Variants in SHANK2 observed in about 807,000 individuals in gnomAD.
The protein encoded by SHANK2 is SH3 and multiple ankyrin repeat domains protein 2.
In SHANK2, 43 loss-of-function variants were observed where a neutral mutation model predicts 133.7. The ratio of observed to expected loss-of-function variants is 0.32; its 90% CI spans 0.25 to 0.41. The LOEUF (loss-of-function observed/expected upper bound fraction) is 0.41, where lower values mean the gene tolerates loss of function less well. Ranked by LOEUF, SHANK2 falls within the 10% of genes least tolerant of loss-of-function variation. The probability of loss-of-function intolerance (pLI) is 1.00; values close to 1 mark genes in which losing one functional copy is unlikely to be tolerated. For missense variants in SHANK2, 1,994 were observed against 2,235.8 expected (o/e 0.89, Z 2.18); for synonymous variants, 1,017 against 952.8 (o/e 1.07, Z -1.24).
At chr11:70,847,801 G>A (rs1359295514) in intron 11 of SHANK2, among the ~76,000 whole-genome samples, 1 of 152,228 alleles carries the variant, frequency 6.6e-6, no homozygotes, top group Non-Finnish European at 1.5e-5. Flanking sequence ...TCATCTGGCT[G>A]CAGGGGTGGG....
intron 15 of SHANK2, among the ~76,000 whole-genome samples, chr11:70,687,654 A>G (rs1244716514): frequency 2.6e-5 from 4 of 152,202 alleles, no homozygotes; most frequent in African/African-American, 9.6e-5. Flanking sequence ...TATTGTCAGA[A>G]CAGCTCCAGA....
intron 14 of SHANK2, among the ~76,000 whole-genome samples, chr11:70,772,691 T>C (rs1947277381): frequency 6.6e-6 from 1 of 152,180 alleles, no homozygotes; most frequent in Admixed American, 6.5e-5. Context: ...GAGGCTGCAG[T>C]GGGCCTGAGT....
chr11:71,085,487 T>A (rs1278286266), intron 8 of SHANK2, among the ~76,000 whole-genome samples: 1 of 121,388 alleles, frequency 8.2e-6, no homozygotes, highest in Non-Finnish European at 1.6e-5. Flanking sequence ...ATATATGTTA[T>A]ATAATATATA....
At chr11:70,695,223 G>C (rs1555021988) in intron 15 of SHANK2, among the ~76,000 whole-genome samples, 1 of 152,130 alleles carries the variant, frequency 6.6e-6, no homozygotes, top group Non-Finnish European at 1.5e-5. Flanking sequence ...AAGACCTCTG[G>C]AGCTGGACGG....
At chr11:71,203,097 G>A (rs945179716) in intron 2 of SHANK2, among the ~76,000 whole-genome samples, 6 of 152,204 alleles carry the variant, frequency 3.9e-5, no homozygotes, top group African/African-American at 1.4e-4. Flanking sequence ...AGTGATCTCA[G>A]GTACCACCTG....
intron 11 of SHANK2, among the ~76,000 whole-genome samples, chr11:70,834,454 A>C (rs1555059458): frequency 6.6e-6 from 1 of 152,202 alleles, no homozygotes; most frequent in South Asian, 2.1e-4. Flanking sequence ...GAATGCTGAG[A>C]AAGTATGTAT....
chr11:70,861,003 G>A (rs961583549), intron 11 of SHANK2, among the ~76,000 whole-genome samples: 30 of 152,198 alleles, frequency 2.0e-4, no homozygotes, highest in African/African-American at 6.8e-4. Flanking sequence ...GACATCCCTC[G>A]ACCTGCTGGG....
At position 70,862,743 on chromosome 11, in the gene SHANK2, T is replaced by G. The variant is rs187850327; in HGVS notation, c.1174+33758A>C. ...GATCATGAACAAAGAGGGAAATCTA[T>G]GTGCTTGGGGTGGGGGTGGGGAGCT... On this transcript the variant is annotated intron_variant, in intron 11 of 25. Transcript: ENST00000601538. 3.8e-4 allele frequency: 60 copies of G among 157,302 alleles called. No homozygotes were observed. The East Asian group carries it at 0.011, about 29-fold the overall frequency. The allele number at this position is 157,302 out of a possible 1,614,324, so 9.7% of individuals were successfully genotyped here.
At chr11:71,225,874 G>A (rs554574140) in intron 1 of SHANK2, among the ~76,000 whole-genome samples, 5 of 152,294 alleles carry the variant, frequency 3.3e-5, no homozygotes, top group South Asian at 2.1e-4. Flanking sequence ...CTGTAATCCC[G>A]GCACTTTGGG....
chr11:70,922,808 G>T (rs1330059083), intron 10 of SHANK2, among the ~76,000 whole-genome samples: 1 of 152,130 alleles, frequency 6.6e-6, no homozygotes, highest in Non-Finnish European at 1.5e-5. Context: ...TGTAGGAGTG[G>T]TGAGTTTCTA....
Position 70,595,529 on chromosome 11 carries a change from C to T in SHANK2, c.2061+64299G>A, listed in dbSNP as rs370356640. Among the ~76,000 whole-genome samples the T allele has an allele frequency of 5.3e-5, 8 of 152,196 alleles. No individual in the cohort carries two copies. In the East Asian group the frequency reaches 7.7e-4, roughly 15 times the overall value. ...TGGCCCAGACAACCCTCTGCGAAGG[C>T]GACGGTGAACTGTGGCCTGGAGCCC... On this transcript the variant is annotated intron_variant, in intron 17 of 25. Transcript: ENST00000601538.
chr11:70,896,859 T>A (rs1258820596), intron 10 of SHANK2, among the ~76,000 whole-genome samples: 4 of 152,162 alleles, frequency 2.6e-5, no homozygotes, highest in Non-Finnish European at 5.9e-5. Flanking sequence ...AGCTGAGGAT[T>A]CAACCAGGCC....
At chr11:70,598,509 A>G (rs547586646) in intron 17 of SHANK2, among the ~76,000 whole-genome samples, 5 of 152,224 alleles carry the variant, frequency 3.3e-5, no homozygotes, top group Admixed American at 6.5e-5. Flanking sequence ...GAAGGAACAC[A>G]TAATTCTAAC....
intron 14 of SHANK2, among the ~76,000 whole-genome samples, chr11:70,779,509 C>T (rs1412335145): frequency 6.6e-6 from 1 of 152,256 alleles, no homozygotes; most frequent in African/African-American, 2.4e-5. Context: ...AAGAACCAAA[C>T]ATGGGTATGC....
At chr11:70,907,343 G>C (rs868944025) in intron 10 of SHANK2, among the ~76,000 whole-genome samples, 2 of 152,134 alleles carry the variant, frequency 1.3e-5, no homozygotes, top group African/African-American at 2.4e-5. Context: ...GAGTGAAGGG[G>C]ACCCCCTGGG....
chr11:71,086,565 A>G (rs1951423070), intron 8 of SHANK2, among the ~76,000 whole-genome samples: 1 of 145,938 alleles, frequency 6.9e-6, no homozygotes, highest in South Asian at 2.1e-4. Flanking sequence ...TAATATATAT[A>G]TCATTAGACT....
intron 15 of SHANK2, among the ~76,000 whole-genome samples, chr11:70,678,753 G>A (rs1162544057): frequency 6.6e-6 from 1 of 151,920 alleles, no homozygotes; most frequent in Non-Finnish European, 1.5e-5. Context: ...ATGTTGGCCA[G>A]GTTGGTCTCA....
chr11:70,937,631 G>A (rs1590852376), intron 10 of SHANK2, among the ~76,000 whole-genome samples: 1 of 152,144 alleles, frequency 6.6e-6, no homozygotes, highest in Non-Finnish European at 1.5e-5. Flanking sequence ...CAAAGATCAC[G>A]GTCACAGTGG....
At chr11:70,824,256 G>A (rs1029390320) in intron 11 of SHANK2, among the ~76,000 whole-genome samples, 6 of 152,050 alleles carry the variant, frequency 3.9e-5, no homozygotes, top group Admixed American at 2.0e-4. Context: ...ACAGAGCTGC[G>A]CAAAGCGTCC....
Sources: gnomAD v4.1 joint callset for allele counts (sites outside exome capture counted in the v4.1 genomes callset) on GRCh38, gnomAD v4.1.1 for gene constraint, MANE v1.5 for transcripts, NCBI Gene and HGNC (gene_info 2026-07-23, HGNC 2026-07-21) for gene names.